TAFA1: variants seen among roughly 807,000 people sequenced by gnomAD.
TAFA1 encodes TAFA chemokine like family member 1.
TAFA1 carries 4 observed loss-of-function variants against 18.5 expected under a neutral mutation model. The observed-to-expected ratio is 0.22, with a 90% CI of 0.11 to 0.49. The LOEUF (loss-of-function observed/expected upper bound fraction) is 0.49. TAFA1 is among the 20% of genes least tolerant of loss of function. The pLI, the probability that TAFA1 is intolerant of heterozygous loss-of-function variation, is 0.98. For synonymous variants in TAFA1, 56 were observed against 55.2 expected (o/e 1.01, Z -0.06); for missense variants, 147 against 169.0 (o/e 0.87, Z 0.72).
chr3:68,057,630 C>G (rs980370433), intron 2 of TAFA1, among the ~76,000 whole-genome samples: 3 of 152,172 alleles, frequency 2.0e-5, no homozygotes, highest in African/African-American at 7.2e-5. Context: ...AATGGGTTAC[C>G]TTACACAGCA....
intron 2 of TAFA1, among the ~76,000 whole-genome samples, chr3:68,135,558 C>G (rs1014674953): frequency 1.1e-4 from 16 of 152,348 alleles, no homozygotes; most frequent in Non-Finnish European, 2.9e-5. Context: ...CTCCAAGCCT[C>G]TATTTTCTTG....
At chr3:68,350,889 T>G (rs1366992514) in intron 2 of TAFA1, among the ~76,000 whole-genome samples, 9 of 152,092 alleles carry the variant, frequency 5.9e-5, no homozygotes, top group Admixed American at 5.9e-4. Context: ...ACCAAGACCC[T>G]TGTAGCTGGG....
In TAFA1 at chr3:68,271,438, C is replaced by T. The variant is rs777331296; in HGVS notation, c.119-145842C>T. 9.9e-5 allele frequency among the ~76,000 whole-genome samples: 15 copies of T among 152,222 alleles called. No homozygotes were observed. In the East Asian group the frequency reaches 1.5e-3, roughly 16 times the overall value. ...GGCCACATCAGCCCCACTCAACCCA[C>T]GTAACTGAGAATGCAACAAGGATGA... On this transcript the variant is annotated intron_variant, in intron 2 of 4. Transcript: ENST00000478136.
At chr3:68,239,462 A>AT (rs140141577) in intron 2 of TAFA1, among the ~76,000 whole-genome samples, 2,029 of 151,498 alleles carry the variant, frequency 0.013, 44 homozygotes, top group African/African-American at 0.046. Context: ...TGGTAAGAGG[A>AT]TTTTTTTTTC....
At chr3:68,230,223 T>A (rs1468882038) in intron 2 of TAFA1, among the ~76,000 whole-genome samples, 1 of 152,162 alleles carries the variant, frequency 6.6e-6, no homozygotes, top group Non-Finnish European at 1.5e-5. Context: ...TCCATCCAAC[T>A]ATATTTTTGT....
chr3:68,150,557 A>G (rs2065794280), intron 2 of TAFA1, among the ~76,000 whole-genome samples: 1 of 152,174 alleles, frequency 6.6e-6, no homozygotes, highest in African/African-American at 2.4e-5. Flanking sequence ...CATGAGAGCC[A>G]TGACTGGTAC....
chr3:68,007,064 C>A (rs2106768685), intron 2 of TAFA1, among the ~76,000 whole-genome samples: 1 of 152,274 alleles, frequency 6.6e-6, no homozygotes, highest in African/African-American at 2.4e-5. Context: ...GAATAACTTT[C>A]AATACTTGAG....
At chr3:68,476,829 C>A (rs1283845752) in intron 3 of TAFA1, among the ~76,000 whole-genome samples, 1 of 151,960 alleles carries the variant, frequency 6.6e-6, no homozygotes, top group East Asian at 1.9e-4. Context: ...GTGTTTTATA[C>A]CAATATTATA....
At chr3:68,370,900 T>C (rs967768231) in intron 2 of TAFA1, among the ~76,000 whole-genome samples, 10 of 151,506 alleles carry the variant, frequency 6.6e-5, no homozygotes, top group South Asian at 4.2e-4. Context: ...TTTGAGAAGA[T>C]ATTTTGGGGT....
intron 3 of TAFA1, among the ~76,000 whole-genome samples, chr3:68,433,851 T>A (rs559198338): frequency 1.3e-5 from 2 of 152,256 alleles, no homozygotes; most frequent in Non-Finnish European, 1.5e-5. Flanking sequence ...AAAGGATTGA[T>A]GTGAGATACA....
chr3:68,303,183 A>G (rs1288332062), intron 2 of TAFA1, among the ~76,000 whole-genome samples: 1 of 152,178 alleles, frequency 6.6e-6, no homozygotes, highest in Non-Finnish European at 1.5e-5. Context: ...ACAGATAAAT[A>G]TTTCCAGATT....
chr3:68,480,236 CAA>C (rs35040879), intron 3 of TAFA1, among the ~76,000 whole-genome samples: 3 of 127,052 alleles, frequency 2.4e-5, no homozygotes, highest in Admixed American at 1.6e-4. Context: ...ACTAAAAATA[CAA>C]AAAAAAAAAA....
chr3:68,317,136 T>C (rs1024049523), intron 2 of TAFA1, among the ~76,000 whole-genome samples: 79 of 152,174 alleles, frequency 5.2e-4, no homozygotes, highest in Admixed American at 1.4e-3. Context: ...AATTGAGTAT[T>C]AGGAAAAAGA....
intron 2 of TAFA1, among the ~76,000 whole-genome samples, chr3:68,186,961 A>G (rs2066279335): frequency 1.3e-5 from 2 of 151,824 alleles, no homozygotes; most frequent in Admixed American, 6.6e-5. Context: ...TTTCTTGAGA[A>G]TGTGTGAAGT....
At chr3:68,485,118 G>C (rs556061955) in intron 3 of TAFA1, among the ~76,000 whole-genome samples, 2 of 151,974 alleles carry the variant, frequency 1.3e-5, no homozygotes, top group Admixed American at 1.3e-4. Context: ...CCAGCCTCTG[G>C]GGCCTCTAAT....
At chr3:68,367,476 C>T (rs17047606) in intron 2 of TAFA1, among the ~76,000 whole-genome samples, 16,463 of 152,186 alleles carry the variant, frequency 0.11, 1,115 homozygotes, top group East Asian at 0.23. Flanking sequence ...TCAGCGGTCA[C>T]ATACCATGAT....
rs150818617 is a variant in TAFA1 at position 68,293,673 on chromosome 3, G to T, written c.119-123607G>T. ...CCTGGCACATGTGCTTGATCAATGC[G>T]AGCTATTGTTCTCTTCATAACGCAT... On this transcript the variant is annotated intron_variant, in intron 2 of 4. Transcript: ENST00000478136. 1.8e-4 allele frequency among the ~76,000 whole-genome samples: 28 copies of T among 152,296 alleles called. No individual in the cohort carries two copies. The East Asian group carries it at 5.4e-3, about 29-fold the overall frequency.
the TAFA1 span, among the ~76,000 whole-genome samples, chr3:67,998,782 T>C: frequency 6.6e-6 from 1 of 152,180 alleles, no homozygotes; most frequent in South Asian, 2.1e-4. Flanking sequence ...CATGGGTTAG[T>C]GGAATTGCTG....
Position 68,352,017 on chromosome 3 carries a change from T to C in TAFA1, c.119-65263T>C, listed in dbSNP as rs554214297. ...CACTGGAAAGCAGTGTGGAATGCTC[T>C]ATTAAGAGCATTAAGGAATAGAGAT... On this transcript the variant is annotated intron_variant, in intron 2 of 4. Coordinates refer to ENST00000478136, the MANE Select transcript of TAFA1 (RefSeq NM_213609.4). Among the ~76,000 whole-genome samples, 12 of 152,126 alleles carry C rather than the reference T, an allele frequency of 7.9e-5. No homozygotes were observed. In the South Asian group the frequency reaches 2.3e-3, roughly 29 times the overall value.
Sources: gnomAD v4.1 joint callset for allele counts (sites outside exome capture counted in the v4.1 genomes callset) on GRCh38, gnomAD v4.1.1 for gene constraint, MANE v1.5 for transcripts, NCBI Gene and HGNC (gene_info 2026-07-23, HGNC 2026-07-21) for gene names.